Variants in CACNA1S observed in about 807,000 individuals in gnomAD.
CACNA1S encodes the protein voltage-dependent L-type calcium channel subunit alpha-1S.
Under a neutral mutation model 207.4 loss-of-function variants are expected in CACNA1S, and 126 were observed. That is an observed-to-expected ratio of 0.61 (90% CI 0.53 to 0.70). The LOEUF is 0.70. Ranked by LOEUF, CACNA1S falls within the 30% of genes least tolerant of loss-of-function variation. The probability of loss-of-function intolerance (pLI) is 0.00; values close to 1 mark genes in which losing one functional copy is unlikely to be tolerated. For synonymous variants in CACNA1S, 960 were observed against 932.7 expected, an observed-to-expected ratio of 1.03 and a Z score of -0.53; for missense variants, 2,349 against 2,422.8, an observed-to-expected ratio of 0.97 and a Z score of 0.64.
At chr1:201,062,197 A>G in intron 23 of CACNA1S, 107 bp from the exon 24 acceptor site, 2 of 1,418,512 alleles carry the variant, frequency 1.4e-6, no homozygotes, top group Non-Finnish European at 2.0e-6. Context: ...ATGAAGTTCC[A>G]GATCTGGGAC....
intron 13 of CACNA1S, among the ~76,000 whole-genome samples, 191 bp from the exon 14 acceptor site, chr1:201,074,811 C>A (rs1240120900): frequency 6.6e-6 from 1 of 152,202 alleles, no homozygotes; most frequent in Non-Finnish European, 1.5e-5. Context: ...CAGGAAGGAG[C>A]CTGAATCCTG....
intron 1 of CACNA1S, among the ~76,000 whole-genome samples, chr1:201,110,536 T>C (rs1663059748): frequency 6.6e-6 from 1 of 152,204 alleles, no homozygotes; most frequent in Admixed American, 6.5e-5. Context: ...GGTCCCTGGC[T>C]GAGGGCTCCT....
At chr1:201,083,102 T>G in intron 10 of CACNA1S, 60 bp downstream of exon 10, 1 of 1,592,726 alleles carries the variant, frequency 6.3e-7, no homozygotes, top group South Asian at 1.1e-5. Context: ...ATTGGCTGAT[T>G]TTGACATCAA....
chr1:201,069,093 C>T, intron 19 of CACNA1S, 44 bp downstream of exon 19: 2 of 1,554,828 alleles, frequency 1.3e-6, no homozygotes, highest in Non-Finnish European at 1.8e-6. Context: ...GGAGCCACAT[C>T]AGGGAAACTC....
At chr1:201,041,451 C>T (rs938571563) in intron 41 of CACNA1S, 53 bp downstream of exon 41, 41 of 1,403,970 alleles carry the variant, frequency 2.9e-5, no homozygotes, top group South Asian at 3.5e-5. Flanking sequence ...TGGGGCTTCC[C>T]GGACTCCTCT....
At chr1:201,108,731 G>T (rs1662991149) in intron 2 of CACNA1S, among the ~76,000 whole-genome samples, 1 of 152,122 alleles carries the variant, frequency 6.6e-6, no homozygotes. Context: ...GATTCCCATG[G>T]AAACCAGCAT....
intron 8 of CACNA1S, 84 bp downstream of exon 8, chr1:201,085,352 T>C: frequency 3.2e-6 from 5 of 1,569,644 alleles, no homozygotes. Flanking sequence ...TTGGACTTGC[T>C]CAGTGGGCCT....
At chr1:201,043,259 G>A (rs1369638187) in intron 40 of CACNA1S, 22 bp downstream of exon 40, 5 of 1,614,010 alleles carry the variant, frequency 3.1e-6, no homozygotes, top group East Asian at 2.2e-5. Context: ...CTACACCCAG[G>A]GATGGCAGTG....
intron 15 of CACNA1S, 113 bp from the exon 16 acceptor site, chr1:201,072,937 C>T: frequency 6.0e-6 from 5 of 830,646 alleles, no homozygotes; most frequent in Non-Finnish European, 1.1e-5. Context: ...ATCCCTACAG[C>T]CTAAGGAACA....
In CACNA1S at chr1:201,065,807, G is replaced by C. The variant is rs189746059; in HGVS notation, c.2853+31C>G. 1,528 of 1,504,892 alleles carry C rather than the reference G, an allele frequency of 1.0e-3. 2 individuals carry two copies. The highest frequency in any genetic ancestry group is 1.6e-3 in the Admixed American group (97 of 59,764). 93.2% of individuals were successfully genotyped at this position (1,504,892 alleles called of 1,614,324 possible). A position where few individuals can be genotyped will look rare whatever the true frequency, so the allele number is the denominator to read the frequency against. On this transcript the variant is annotated intron_variant, in intron 22 of 43. Transcript: ENST00000362061. ...GTGGGCACCAGGGCTGGGAGCGGGA[G>C]GGGGAGCTGCTCGCGCAGGCTGGGG...
In CACNA1S at chr1:201,083,879, G is replaced by A. The variant is rs114702160; in HGVS notation, c.1233-557C>T. On this transcript the variant is annotated intron_variant, in intron 9 of 43. Coordinates refer to ENST00000362061, the MANE Select transcript of CACNA1S (RefSeq NM_000069.3). ...AGTGACCCTCCCACCTCAGACTTCCGAGGAGCTGGGAGTAGCTATACCCTT... is the reference window on the plus strand; with the variant it reads ...AGTGACCCTCCCACCTCAGACTTCCAAGGAGCTGGGAGTAGCTATACCCTT... Among the ~76,000 whole-genome samples the A allele has an allele frequency of 5.9e-3, 897 of 152,224 alleles. 9 individuals carry two copies. Among genetic ancestry groups the A allele is most frequent in the African/African-American group, 0.021 (853 of 41,504 alleles).
intron 2 of CACNA1S, among the ~76,000 whole-genome samples, chr1:201,103,244 CAAA>C (rs1176886702): frequency 5.9e-5 from 7 of 118,406 alleles, no homozygotes; most frequent in Non-Finnish European, 8.9e-5. Flanking sequence ...GACTTGGTCT[CAAA>C]AAAAAAAAAA....
chr1:201,050,825 CA>C (rs1660622039), intron 33 of CACNA1S, among the ~76,000 whole-genome samples, 158 bp downstream of exon 33: 1 of 152,126 alleles, frequency 6.6e-6, no homozygotes, highest in South Asian at 2.1e-4. Flanking sequence ...AAGCCACACT[CA>C]GGATGACCAG....
At chr1:201,068,691 T>C (rs1661342346) in intron 19 of CACNA1S, among the ~76,000 whole-genome samples, 2 of 151,778 alleles carry the variant, frequency 1.3e-5, no homozygotes, top group South Asian at 4.2e-4. Flanking sequence ...GCCAACATGG[T>C]GAAACCCTGT....
intron 35 of CACNA1S, 103 bp from the exon 36 acceptor site, chr1:201,048,787 G>T: frequency 9.8e-7 from 1 of 1,024,576 alleles, no homozygotes; most frequent in South Asian, 1.3e-5. Flanking sequence ...GGGACACGAG[G>T]GCTGGGGGTG....
chr1:201,072,145 T>A (rs1661452737), intron 16 of CACNA1S, among the ~76,000 whole-genome samples: 4 of 152,160 alleles, frequency 2.6e-5, no homozygotes, highest in Admixed American at 1.3e-4. Context: ...TTCAGCCTGG[T>A]TCTGCTTGTC....
chr1:201,108,571 G>T (rs1662986204), intron 2 of CACNA1S, among the ~76,000 whole-genome samples: 1 of 152,188 alleles, frequency 6.6e-6, no homozygotes, highest in African/African-American at 2.4e-5. Flanking sequence ...AGAATGCCCA[G>T]AGTTTAAGAA....
chr1:201,063,680 G>A (rs181767246), intron 22 of CACNA1S, among the ~76,000 whole-genome samples: 194 of 152,254 alleles, frequency 1.3e-3, no homozygotes, highest in African/African-American at 4.5e-3. Flanking sequence ...AAACTGCCTC[G>A]GCCAAGGACA....
intron 34 of CACNA1S, 55 bp downstream of exon 34, chr1:201,050,334 G>A (rs1016587024): frequency 2.3e-5 from 37 of 1,599,660 alleles, no homozygotes; most frequent in South Asian, 6.6e-5. Context: ...CCTGTGAGAC[G>A]GTAGGAAGGG....
Sources: allele counts gnomAD v4.1 joint callset (sites outside exome capture counted in the v4.1 genomes callset), GRCh38; gene constraint gnomAD v4.1.1; transcripts MANE v1.5; gene names NCBI Gene and HGNC (gene_info 2026-07-23, HGNC 2026-07-21).